The following POPDC1 variants were observed in gnomAD, a reference collection of about 807,000 sequenced individuals.
POPDC1 encodes the protein popeye domain cAMP effector 1.
At chr6:105,133,366 C>T in the POPDC1 span, 1 of 1,612,324 alleles carries the variant, frequency 6.2e-7, no homozygotes, top group African/African-American at 1.3e-5. Flanking sequence ...AGTTAACATT[C>T]CCCTAAGAAA....
chr6:105,133,409 C>T, the POPDC1 span: 1 of 1,613,780 alleles, frequency 6.2e-7, no homozygotes, highest in East Asian at 2.2e-5. Flanking sequence ...GTTGGAATAA[C>T]CAACCCAACT....
At chr6:105,121,271 T>A in the POPDC1 span, among the ~76,000 whole-genome samples, 1 of 147,950 alleles carries the variant, frequency 6.8e-6, no homozygotes, top group Non-Finnish European at 1.5e-5. Context: ...CTTTTATCTT[T>A]TTTTTTTTTT....
At chr6:105,105,448 G>A in the POPDC1 span, among the ~76,000 whole-genome samples, 22 of 152,272 alleles carry the variant, frequency 1.4e-4, no homozygotes, top group East Asian at 3.5e-3. Context: ...GCCCTGCCTC[G>A]GAATCTGCAA....
chr6:105,124,684 G>A, the POPDC1 span: 1 of 1,437,300 alleles, frequency 7.0e-7, no homozygotes, highest in Non-Finnish European at 9.8e-7. Flanking sequence ...GTTAATAAAA[G>A]CAATATTTCA....
At chr6:105,125,211 G>T in the POPDC1 span, among the ~76,000 whole-genome samples, 1 of 152,292 alleles carries the variant, frequency 6.6e-6, no homozygotes, top group Admixed American at 6.5e-5. Flanking sequence ...CTCAACCTGG[G>T]TTTAACATGT....
At chr6:105,127,564 C>A in the POPDC1 span, among the ~76,000 whole-genome samples, 1 of 151,938 alleles carries the variant, frequency 6.6e-6, no homozygotes, top group Non-Finnish European at 1.5e-5. Context: ...GTGATCCTCC[C>A]GAGAAGCTGG....
At chr6:105,121,405 T>C in the POPDC1 span, among the ~76,000 whole-genome samples, 1 of 151,846 alleles carries the variant, frequency 6.6e-6, no homozygotes, top group African/African-American at 2.4e-5. Context: ...GTAGCTGGGA[T>C]TATAGGCACC....
the POPDC1 span, among the ~76,000 whole-genome samples, chr6:105,104,765 C>T: frequency 6.6e-6 from 1 of 152,168 alleles, no homozygotes; most frequent in Non-Finnish European, 1.5e-5. Flanking sequence ...CTTAATAGCA[C>T]CATCACCTGC....
chr6:105,098,272 T>C, the POPDC1 span: 1 of 152,180 alleles, frequency 6.6e-6, no homozygotes, highest in African/African-American at 2.4e-5. Flanking sequence ...TTAAAACACT[T>C]TTCTGTCTTC....
the POPDC1 span, among the ~76,000 whole-genome samples, chr6:105,125,981 T>C: frequency 6.6e-6 from 1 of 152,122 alleles, no homozygotes; most frequent in Admixed American, 6.6e-5. Flanking sequence ...CCCAGCACTT[T>C]GGAAGGCCGA....
the POPDC1 span, chr6:105,125,409 C>G: frequency 9.3e-6 from 15 of 1,614,212 alleles, no homozygotes; most frequent in Non-Finnish European, 1.2e-5. Context: ...CAAGAGAATA[C>G]TCAGACGGTC....
chr6:105,124,704 T>C, the POPDC1 span: 2 of 1,299,002 alleles, frequency 1.5e-6, no homozygotes, highest in Non-Finnish European at 2.2e-6. Flanking sequence ...ACAAATACCA[T>C]GATAATCCTT....
the POPDC1 span, among the ~76,000 whole-genome samples, chr6:105,117,775 C>G: frequency 6.6e-6 from 1 of 152,214 alleles, no homozygotes; most frequent in African/African-American, 2.4e-5. Context: ...TGTATCTTCA[C>G]GTCTGTCTGA....
At chr6:105,103,325 G>A in the POPDC1 span, among the ~76,000 whole-genome samples, 1 of 152,148 alleles carries the variant, frequency 6.6e-6, no homozygotes, top group Non-Finnish European at 1.5e-5. Context: ...ATGGTCTTTG[G>A]AAGGCTATGG....
the POPDC1 span, chr6:105,129,607 G>T: frequency 5.1e-6 from 6 of 1,175,488 alleles, no homozygotes; most frequent in South Asian, 1.2e-4. Context: ...TCCCTTTTCT[G>T]AAGGTGATAC....
the POPDC1 span, among the ~76,000 whole-genome samples, chr6:105,101,750 C>T: frequency 1.3e-5 from 2 of 152,130 alleles, no homozygotes; most frequent in South Asian, 4.1e-4. Flanking sequence ...AAAGGCCAGG[C>T]ATTCAGGAGG....
At chr6:105,110,391 C>G in the POPDC1 span, among the ~76,000 whole-genome samples, 1 of 152,206 alleles carries the variant, frequency 6.6e-6, no homozygotes, top group African/African-American at 2.4e-5. Flanking sequence ...GCTGCCTAAT[C>G]ACACATCTTT....
the POPDC1 span, among the ~76,000 whole-genome samples, chr6:105,125,922 C>T: frequency 2.0e-5 from 3 of 152,016 alleles, no homozygotes; most frequent in Non-Finnish European, 4.4e-5. Flanking sequence ...AGGTCAGGTG[C>T]GGTGGTCACG....
At chr6:105,114,830 G>A in the POPDC1 span, among the ~76,000 whole-genome samples, 1 of 152,144 alleles carries the variant, frequency 6.6e-6, no homozygotes, top group African/African-American at 2.4e-5. Flanking sequence ...AGCTCACAAG[G>A]GTGTTGAGTG....
Sources: gnomAD v4.1 joint callset for allele counts (sites outside exome capture counted in the v4.1 genomes callset) on GRCh38, gnomAD v4.1.1 for gene constraint, MANE v1.5 for transcripts, NCBI Gene and HGNC (gene_info 2026-07-23, HGNC 2026-07-21) for gene names.